The following GPHN variants were observed in gnomAD, a reference collection of about 807,000 sequenced individuals.
GPHN encodes gephyrin.
GPHN carries 17 observed loss-of-function variants against 95.5 expected under a neutral mutation model. The observed-to-expected ratio is 0.18, with a 90% CI of 0.12 to 0.27. The LOEUF is 0.27. GPHN is among the 10% of genes least tolerant of loss of function. The pLI, the probability that GPHN is intolerant of heterozygous loss-of-function variation, is 1.00. For missense variants in GPHN, 660 were observed against 978.1 expected (o/e 0.67, Z 4.34); for synonymous variants, 320 against 322.5 (o/e 0.99, Z 0.08).
the GPHN span, among the ~76,000 whole-genome samples, chr14:67,716,680 T>A: frequency 6.6e-6 from 1 of 152,176 alleles, no homozygotes; most frequent in African/African-American, 2.4e-5. Flanking sequence ...GGCCAGGAAT[T>A]CGAGACCAGC....
chr14:67,549,461 G>A, the GPHN span, among the ~76,000 whole-genome samples: 1 of 152,030 alleles, frequency 6.6e-6, no homozygotes, highest in Non-Finnish European at 1.5e-5. Context: ...AGTAGCGACG[G>A]GGTTTCACCA....
chr14:67,417,089 T>G, the GPHN span, among the ~76,000 whole-genome samples: 1 of 152,228 alleles, frequency 6.6e-6, no homozygotes, highest in Admixed American at 6.5e-5. Context: ...TCAGTTCCCA[T>G]TCTTTCATCA....
the GPHN span, among the ~76,000 whole-genome samples, chr14:67,514,114 G>T: frequency 6.2e-4 from 95 of 152,264 alleles, no homozygotes; most frequent in East Asian, 0.017. Context: ...AGCCCCCAAG[G>T]TTACACCAGC....
chr14:67,593,697 T>C, the GPHN span: 1 of 1,146,928 alleles, frequency 8.7e-7, no homozygotes, highest in African/African-American at 1.5e-5. Context: ...ATGGGCTGGC[T>C]ACCTCCTCCA....
chr14:67,531,744 ATT>A, the GPHN span, among the ~76,000 whole-genome samples: 98 of 131,110 alleles, frequency 7.5e-4, no homozygotes, highest in African/African-American at 2.3e-3. Context: ...AAAAAAAAAA[ATT>A]TTTTTTTTTT....
At chr14:67,695,695 C>T in the GPHN span, 1 of 1,614,022 alleles carries the variant, frequency 6.2e-7, no homozygotes, top group Non-Finnish European at 8.5e-7. Flanking sequence ...GGAACATGAG[C>T]TCAACCATCT....
chr14:67,205,193 A>C, the GPHN span: 1 of 1,172,796 alleles, frequency 8.5e-7, no homozygotes, highest in South Asian at 1.7e-5. Context: ...AATGCTATGG[A>C]ACCTACCTAC....
chr14:67,713,700 G>A, the GPHN span, among the ~76,000 whole-genome samples: 7 of 152,182 alleles, frequency 4.6e-5, 1 homozygote, highest in Admixed American at 1.3e-4. Flanking sequence ...TTGAGGGCGC[G>A]TACCCAAGAC....
At chr14:66,528,785 A>G (rs184369093) in intron 1 of GPHN, among the ~76,000 whole-genome samples, 12 of 152,168 alleles carry the variant, frequency 7.9e-5, no homozygotes, top group Non-Finnish European at 4.4e-5. Flanking sequence ...AGTGTAGACT[A>G]TTGGCCCCCA....
intron 9 of GPHN, among the ~76,000 whole-genome samples, chr14:66,994,499 G>T (rs117278683): frequency 0.015 from 2,277 of 152,246 alleles, 30 homozygotes; most frequent in Middle Eastern, 0.041. Context: ...TTTCTGAGAT[G>T]TTTAATGTGC....
the GPHN span, among the ~76,000 whole-genome samples, chr14:67,614,452 G>T: frequency 6.6e-6 from 1 of 152,082 alleles, no homozygotes; most frequent in Non-Finnish European, 1.5e-5. Flanking sequence ...GCCAGTTGTC[G>T]AACACAACCT....
At chr14:67,051,747 C>CT (rs1233899399) in intron 10 of GPHN, among the ~76,000 whole-genome samples, 4 of 152,202 alleles carry the variant, frequency 2.6e-5, no homozygotes, top group Admixed American at 2.6e-4. Context: ...GCCCATCAGA[C>CT]TAACAGTGGA....
intron 16 of GPHN, 49 bp downstream of exon 16, chr14:67,113,220 A>G: frequency 6.7e-7 from 1 of 1,483,546 alleles, no homozygotes; most frequent in South Asian, 1.1e-5. Flanking sequence ...CATAAGATAA[A>G]GGTATTTCTG....
the GPHN span, among the ~76,000 whole-genome samples, chr14:67,626,270 C>G: frequency 6.6e-6 from 1 of 151,748 alleles, no homozygotes; most frequent in African/African-American, 2.4e-5. Context: ...AAAAAAAAAC[C>G]ACAAAACTAC....
the GPHN span, among the ~76,000 whole-genome samples, chr14:67,370,058 A>G: frequency 6.6e-6 from 1 of 152,256 alleles, no homozygotes; most frequent in East Asian, 1.9e-4. Context: ...AGTATCCCTT[A>G]TGGGAAATGA....
intron 2 of GPHN, among the ~76,000 whole-genome samples, chr14:66,739,520 CTTT>C (rs556885727): frequency 3.0e-5 from 4 of 135,202 alleles, no homozygotes; most frequent in Admixed American, 7.4e-5. Context: ...CCGGCCCCTG[CTTT>C]TTTTTTTTTT....
At chr14:67,208,586 A>T in the GPHN span, 2 of 964,826 alleles carry the variant, frequency 2.1e-6, no homozygotes, top group African/African-American at 3.3e-5. Context: ...GAATGATGAT[A>T]TAGTCAACTC....
At chr14:67,049,505 A>C (rs1164864742) in intron 10 of GPHN, among the ~76,000 whole-genome samples, 2 of 146,926 alleles carry the variant, frequency 1.4e-5, no homozygotes, top group Non-Finnish European at 3.0e-5. Context: ...AAATAAGAGA[A>C]GTCTGTGACA....
At chr14:66,654,902 T>A (rs1246458396) in intron 1 of GPHN, among the ~76,000 whole-genome samples, 1 of 152,190 alleles carries the variant, frequency 6.6e-6, no homozygotes, top group African/African-American at 2.4e-5. Context: ...GTTGCTTTTT[T>A]ACTTATGTGT....
Sources: gnomAD v4.1 joint callset for allele counts (sites outside exome capture counted in the v4.1 genomes callset) on GRCh38, gnomAD v4.1.1 for gene constraint, MANE v1.5 for transcripts, NCBI Gene and HGNC (gene_info 2026-07-23, HGNC 2026-07-21) for gene names.